SNAP47: variants seen among roughly 807,000 people sequenced by gnomAD.
SNAP47 encodes synaptosomal-associated protein 47.
SNAP47 carries 20 observed loss-of-function variants against 31.4 expected under a neutral mutation model. The ratio of observed to expected loss-of-function variants is 0.64; its 90% CI spans 0.45 to 0.93. The LOEUF is 0.93. Among genes scored for constraint, SNAP47 ranks in the 40% least tolerant of loss-of-function variants. The pLI is 0.00. For missense variants in SNAP47, 492 were observed against 528.5 expected, an observed-to-expected ratio of 0.93 and a Z score of 0.68; for synonymous variants, 194 against 213.4, an observed-to-expected ratio of 0.91 and a Z score of 0.79.
intron 4 of SNAP47, among the ~76,000 whole-genome samples, chr1:227,775,092 C>T (rs956178246): frequency 6.6e-5 from 10 of 152,206 alleles, no homozygotes; most frequent in African/African-American, 1.9e-4. Context: ...TCTGCCCCCC[C>T]GGCTAGTGCA....
At chr1:227,760,299 C>T (rs1455192854) in intron 3 of SNAP47, among the ~76,000 whole-genome samples, 1 of 152,210 alleles carries the variant, frequency 6.6e-6, no homozygotes, top group Non-Finnish European at 1.5e-5. Context: ...CCATTCCCAT[C>T]ACCCCTACTT....
chr1:227,780,633 C>T lies in SNAP47; in HGVS notation c.1220C>T (p.Thr407Ile), dbSNP rs772286157. Residue 407 changes from threonine (T) to isoleucine (I), a missense_variant, in exon 5 of 5, where the codon ACC (threonine) becomes ATC (isoleucine). Transcript: ENST00000617596. ...GCAGCTGTGGACAGGGCAACCTTGACCATCGACAAGCACAACAGGCGGATG... is the reference window on the plus strand; with the variant it reads ...GCAGCTGTGGACAGGGCAACCTTGATCATCGACAAGCACAACAGGCGGATG... ...VAAAVDRATL[T>I]IDKHNRRMKR... 3 of 1,614,194 alleles carry T rather than the reference C, an allele frequency of 1.9e-6. No individual in the cohort carries two copies. Among genetic ancestry groups the T allele is most frequent in the South Asian group, 2.2e-5 (2 of 91,086 alleles).
At chr1:227,776,910 C>T (rs1175361740) in intron 4 of SNAP47, 3 of 985,284 alleles carry the variant, frequency 3.0e-6, no homozygotes, top group African/African-American at 1.7e-5. Context: ...TCAAAAAGTA[C>T]AGCAGGAGCC....
intron 2 of SNAP47, among the ~76,000 whole-genome samples, chr1:227,758,047 G>A (rs1379206690): frequency 6.6e-6 from 1 of 152,214 alleles, no homozygotes; most frequent in African/African-American, 2.4e-5. Flanking sequence ...GGACGTTTCT[G>A]GATCTGCCCC....
Position 227,762,526 on chromosome 1 carries a change from C to T in SNAP47, c.988+3041C>T, listed in dbSNP as rs1427200637. ...GCTCTCAGCTGGAAACTGTGGGCTCCCTGGAGGTGGAAACCATGACGGATG... is the reference window on the plus strand; with the variant it reads ...GCTCTCAGCTGGAAACTGTGGGCTCTCTGGAGGTGGAAACCATGACGGATG... On this transcript the variant is annotated intron_variant, in intron 3 of 4. Transcript: ENST00000617596. The surrounding 1 kb of genome is among the most constrained non-coding windows in gnomAD (Gnocchi z 4.2). Among the ~76,000 whole-genome samples, 1 of 152,208 alleles carries T rather than the reference C, an allele frequency of 6.6e-6. No homozygotes were observed. The highest frequency in any genetic ancestry group is 1.9e-4 in the East Asian group (1 of 5,190).
Position 227,759,329 on chromosome 1 carries a change from A to G in SNAP47, c.832A>G (p.Met278Val), listed in dbSNP as rs1200603026. ...IRQRFIGKPD[M>V]AYRLISAKMP... ...CCAGCGGTTTATTGGAAAGCCAGAC[A>G]TGGCCTATCGTTTGATATCTGCCAA... The change falls in exon 3 of 5, where the codon ATG (methionine) becomes GTG (valine). Residue 278 changes from methionine to valine, a missense_variant. Physicochemically the swap from Met to Val is conservative, Grantham distance 21. Transcript: ENST00000617596. 4.3e-6 allele frequency: 7 copies of G among 1,614,254 alleles called. No homozygotes were observed. Among genetic ancestry groups the G allele is most frequent in the Admixed American group, 3.3e-5 (2 of 60,030 alleles).
At chr1:227,739,220 G>A (rs1318331846) in intron 1 of SNAP47, among the ~76,000 whole-genome samples, 1 of 152,168 alleles carries the variant, frequency 6.6e-6, no homozygotes, top group East Asian at 1.9e-4. Flanking sequence ...GAATGCAATA[G>A]CGCTATCTTG....
At chr1:227,739,253 T>C (rs1661436882) in intron 1 of SNAP47, among the ~76,000 whole-genome samples, 1 of 152,236 alleles carries the variant, frequency 6.6e-6, no homozygotes, top group African/African-American at 2.4e-5. Flanking sequence ...CTCTGCCTTC[T>C]GGGCTGAAGT....
upstream of SNAP47, chr1:227,732,815 G>A (rs957146695): frequency 2.5e-6 from 4 of 1,601,432 alleles, no homozygotes; most frequent in African/African-American, 5.4e-5. Context: ...GGTGACCAAG[G>A]GAGTCTGAGC....
upstream of SNAP47, chr1:227,733,808 A>G (rs1660847502): frequency 3.8e-6 from 6 of 1,584,332 alleles, no homozygotes; most frequent in Middle Eastern, 3.4e-4. Flanking sequence ...ACCCACTGTG[A>G]GGCCTGTGCC....
At chr1:227,774,581 C>T (rs994629243) in intron 4 of SNAP47, among the ~76,000 whole-genome samples, 2 of 151,818 alleles carry the variant, frequency 1.3e-5, no homozygotes, top group East Asian at 2.0e-4. Flanking sequence ...CAAGGGGGAC[C>T]GGGCCGCAGC....
upstream of SNAP47, chr1:227,734,459 C>A (rs528036331): frequency 5.2e-5 from 25 of 477,944 alleles, no homozygotes; most frequent in Middle Eastern, 5.7e-4. Context: ...GGAAAAAAAA[C>A]CATATTGACC....
chr1:227,777,454 C>T lies in SNAP47; in HGVS notation c.1114-3073C>T, dbSNP rs118028372. ...CCCCAGGTGGACGGGCTTCATGCCT[C>T]CCTGTGGTCCTGATCTCCATGTGGC... On this transcript the variant is annotated intron_variant, in intron 4 of 4. Transcript: ENST00000617596. 5.0e-3 allele frequency among the ~76,000 whole-genome samples: 757 copies of T among 152,290 alleles called. 15 individuals are homozygous for T. The East Asian group carries it at 0.057, about 12-fold the overall frequency.
intron 1 of SNAP47, among the ~76,000 whole-genome samples, chr1:227,743,269 T>G (rs1205042727): frequency 6.6e-6 from 1 of 152,180 alleles, no homozygotes; most frequent in African/African-American, 2.4e-5. Context: ...TGGTGTGTGC[T>G]GCAAACCCAC....
intron 4 of SNAP47, among the ~76,000 whole-genome samples, chr1:227,770,148 T>C (rs1361729970): frequency 6.6e-6 from 1 of 152,222 alleles, no homozygotes; most frequent in African/African-American, 2.4e-5. Flanking sequence ...TCCTGCCTTA[T>C]GGCATGGGGC....
chr1:227,739,174 G>A (rs1377259213), intron 1 of SNAP47, among the ~76,000 whole-genome samples: 1 of 151,952 alleles, frequency 6.6e-6, no homozygotes, highest in Non-Finnish European at 1.5e-5. Flanking sequence ...TTTTGTTTTT[G>A]TTTTAAAACG....
At chr1:227,754,382 G>A (rs192963093) in intron 2 of SNAP47, among the ~76,000 whole-genome samples, 5 of 152,322 alleles carry the variant, frequency 3.3e-5, no homozygotes, top group Admixed American at 3.3e-4. Flanking sequence ...GCAGGCCAGG[G>A]TGGTCTTGGG....
chr1:227,779,569 A>G lies in SNAP47; in HGVS notation c.1114-958A>G, dbSNP rs888912919. On this transcript the variant is annotated intron_variant, in intron 4 of 4. Transcript: ENST00000617596. ...CTTCTCCTGACCTAAGCAGTGATCC[A>G]GAACTTTCCCTGAAAGAGGACATGG... is the stretch of plus-strand genomic sequence containing the variant. Among the ~76,000 whole-genome samples, 17 of 152,238 alleles carry G rather than the reference A, an allele frequency of 1.1e-4. 1 individual carries two copies. The highest frequency in any genetic ancestry group is 6.5e-5 in the Admixed American group (1 of 15,286).
upstream of SNAP47, chr1:227,732,800 T>C (rs1660752438): frequency 1.9e-6 from 3 of 1,594,616 alleles, no homozygotes; most frequent in Non-Finnish European, 2.6e-6. Context: ...ACTGAGAAGC[T>C]GCGCGGTGAC....
Sources: allele counts gnomAD v4.1 joint callset (sites outside exome capture counted in the v4.1 genomes callset), GRCh38; gene constraint gnomAD v4.1.1; non-coding constraint Gnocchi (gnomAD v3.1); transcripts MANE v1.5; gene names NCBI Gene and HGNC (gene_info 2026-07-23, HGNC 2026-07-21).